The following MCM5 variants were observed in gnomAD, a reference collection of about 807,000 sequenced individuals.
MCM5 encodes DNA replication licensing factor MCM5.
In MCM5, 46 loss-of-function variants were observed where a neutral mutation model predicts 79.9. That is an observed-to-expected ratio of 0.58 (90% CI 0.45 to 0.74). MCM5 has a LOEUF of 0.74. MCM5 is among the 30% of genes least tolerant of loss of function. MCM5 has a pLI of 0.00. For synonymous variants in MCM5, 404 were observed against 390.5 expected (o/e 1.03, Z -0.41); for missense variants, 883 against 1,017.0 (o/e 0.87, Z 1.79).
intron 6 of MCM5, 131 bp downstream of exon 6, chr22:35,408,694 A>G (rs565388796): frequency 2.5e-5 from 23 of 922,788 alleles, no homozygotes; most frequent in Middle Eastern, 3.3e-4. Flanking sequence ...GTTGCAGAGC[A>G]CCTGCTCTGT....
intron 2 of MCM5, among the ~76,000 whole-genome samples, chr22:35,402,141 T>C (rs1023856830): frequency 6.6e-6 from 1 of 152,154 alleles, no homozygotes; most frequent in Non-Finnish European, 1.5e-5. Flanking sequence ...CAGTGGCTCA[T>C]GCTTGTAATT....
the MCM5 span, among the ~76,000 whole-genome samples, chr22:35,444,818 A>G: frequency 6.6e-6 from 1 of 152,228 alleles, no homozygotes; most frequent in Non-Finnish European, 1.5e-5. Flanking sequence ...ATTTGAGACC[A>G]GCCTGGGCGA....
At chr22:35,406,293 G>GCCA (rs767616375) in intron 4 of MCM5, among the ~76,000 whole-genome samples, 4 of 89,736 alleles carry the variant, frequency 4.5e-5, no homozygotes, top group African/African-American at 2.0e-4. Flanking sequence ...CTCTTGCCCT[G>GCCA]CCACCTCCCC....
Position 35,412,648 on chromosome 22 carries a change from T to C in MCM5, c.1058T>C (p.Ile353Thr), listed in dbSNP as rs763611069. ...IFGGTDMKKA[I>T]ACLLFGGSRK... ...GGGGGCACAGACATGAAGAAGGCCA[T>C]TGCCTGCCTGCTCTTTGGGGGCTCC... The change falls in exon 8 of 17, where the codon ATT becomes ACT. Residue 353 changes from isoleucine to threonine, a missense_variant. Physicochemically the swap from Ile to Thr is moderately conservative, Grantham distance 89. Around this residue, in one of 3 missense-constraint regions of MCM5, gnomAD observed 455 missense variants for 517.5 expected, o/e 0.88. Transcript: ENST00000216122. 15 of 1,535,134 alleles carry C rather than the reference T, an allele frequency of 9.8e-6. No homozygotes were observed. In the African/African-American group the frequency reaches 2.1e-4, roughly 21 times the overall value.
the MCM5 span, among the ~76,000 whole-genome samples, chr22:35,442,892 T>C: frequency 1.3e-5 from 2 of 152,208 alleles, no homozygotes; most frequent in African/African-American, 2.4e-5. Context: ...GGGTTTGCCA[T>C]GGAAACATTG....
rs771693792 is a variant in MCM5, at chr22:35,403,513, G to A, written c.394G>A (p.Ala132Thr). 58 of 1,613,906 alleles carry A rather than the reference G, an allele frequency of 3.6e-5. No homozygotes were observed. In the Admixed American group the frequency reaches 6.7e-4, roughly 19 times the overall value. The stretch of plus-strand genomic sequence containing the variant: ...CATCCAGGTCATGCTCAAGTCGGAC[G>A]CCAGCCCTTCCAGCATTCGTAGCCT... The part of the protein sequence containing the change: ...QDIQVMLKSD[A>T]SPSSIRSLKS... The change falls in exon 4 of 17, where the codon GCC (alanine) becomes ACC (threonine). Residue 132 changes from alanine (A) to threonine (T), a missense_variant. Around this residue, in one of 3 missense-constraint regions of MCM5, gnomAD observed 455 missense variants for 517.5 expected, o/e 0.88. Coordinates refer to ENST00000216122, the MANE Select transcript of MCM5 (RefSeq NM_006739.4).
the MCM5 span, among the ~76,000 whole-genome samples, chr22:35,435,942 G>C: frequency 6.6e-6 from 1 of 152,018 alleles, no homozygotes; most frequent in Non-Finnish European, 1.5e-5. Flanking sequence ...CGAGGCGGGC[G>C]GATCACCTGA....
Position 35,419,859 on chromosome 22 carries a change from C to T in MCM5, c.1704-25C>T, listed in dbSNP as rs75996723. 8.6e-4 allele frequency: 1,367 copies of T among 1,591,756 alleles called. 17 individuals carry two copies. The African/African-American group carries it at 0.013, about 16-fold the overall frequency. On this transcript the variant is annotated intron_variant, in intron 13 of 16. Coordinates refer to ENST00000216122, the MANE Select transcript of MCM5 (RefSeq NM_006739.4). ...CCTAAGAGTCCCTCCTGGCCTCACA[C>T]CAGCCTCTCCCCACTGTCCTGCAGG...
the MCM5 span, among the ~76,000 whole-genome samples, chr22:35,434,055 A>G: frequency 1.5e-3 from 230 of 152,254 alleles, 1 homozygote; most frequent in Non-Finnish European, 3.0e-3. Flanking sequence ...GTGGGGAGAG[A>G]GGCAGGGCAT....
At chr22:35,411,071 C>G (rs1932370715) in intron 7 of MCM5, among the ~76,000 whole-genome samples, 161 bp downstream of exon 7, 1 of 152,214 alleles carries the variant, frequency 6.6e-6, no homozygotes, top group Non-Finnish European at 1.5e-5. Context: ...CCTGGAACTT[C>G]CACACATTGG....
chr22:35,435,942 G>A, the MCM5 span, among the ~76,000 whole-genome samples: 2 of 152,018 alleles, frequency 1.3e-5, no homozygotes, highest in Admixed American at 6.6e-5. Context: ...CGAGGCGGGC[G>A]GATCACCTGA....
rs372780052 is a variant in MCM5, at chr22:35,424,301, C to T, written c.*46C>T. The T allele has an allele frequency of 1.3e-3, 1,721 of 1,346,736 alleles. 1 individual carries two copies. The highest frequency in any genetic ancestry group is 1.6e-3 in the Non-Finnish European group (1,594 of 980,142). 83.4% of individuals were successfully genotyped at this position (1,346,736 alleles called of 1,614,324 possible). A position where few individuals can be genotyped will look rare whatever the true frequency, so the allele number is the denominator to read the frequency against. On this transcript the variant is annotated 3_prime_UTR_variant, in exon 17 of 17. Coordinates refer to ENST00000216122, the MANE Select transcript of MCM5 (RefSeq NM_006739.4). Reference sequence around the variant, plus strand: ...TCATGGACTCGCCCACGCCTCGCCCCTCCTGCCGCTGCCTGCCATTGACAA... The same window carrying T: ...TCATGGACTCGCCCACGCCTCGCCCTTCCTGCCGCTGCCTGCCATTGACAA...
rs2145802810 is a variant in MCM5, at chr22:35,421,965, A to AC, written c.1975+507dup. 4 of 236,730 alleles carry AC rather than the reference A, an allele frequency of 1.7e-5. No homozygotes were observed. In the East Asian group the frequency reaches 4.1e-4, roughly 25 times the overall value. The allele number at this position is 236,730 out of a possible 1,614,324, so 14.7% of individuals were successfully genotyped here. A position where few individuals can be genotyped will look rare whatever the true frequency, so the allele number is the denominator to read the frequency against. ...TGGCCCCTAGGCCAGCGTTTTCCAC[A>AC]CCATAAGCCATACTGTCTGGTTTCG... On this transcript the variant is annotated intron_variant, in intron 15 of 16. Coordinates refer to ENST00000216122, the MANE Select transcript of MCM5 (RefSeq NM_006739.4).
the MCM5 span, among the ~76,000 whole-genome samples, chr22:35,435,992 C>T: frequency 6.6e-6 from 1 of 151,778 alleles, no homozygotes; most frequent in Non-Finnish European, 1.5e-5. Flanking sequence ...CATGGAGAAA[C>T]CCCATCTCTA....
the MCM5 span, among the ~76,000 whole-genome samples, chr22:35,432,960 G>A: frequency 6.6e-6 from 1 of 152,042 alleles, no homozygotes; most frequent in African/African-American, 2.4e-5. Context: ...TTTGAGACAG[G>A]GTCTCACAAT....
downstream of MCM5, among the ~76,000 whole-genome samples, chr22:35,427,282 T>C (rs1425187022): frequency 6.6e-6 from 1 of 152,242 alleles, no homozygotes; most frequent in East Asian, 1.9e-4. Context: ...GGCCCATACT[T>C]CAAATATGTT....
chr22:35,438,856 T>TATCC, the MCM5 span, among the ~76,000 whole-genome samples: 54,849 of 109,242 alleles, frequency 0.5, 13,717 homozygotes, highest in Middle Eastern at 0.65. Flanking sequence ...TCCACCCACA[T>TATCC]ATCCATCCAT....
intron 9 of MCM5, among the ~76,000 whole-genome samples, chr22:35,415,446 G>A (rs1932513772): frequency 1.3e-5 from 2 of 152,022 alleles, no homozygotes; most frequent in South Asian, 4.1e-4. Context: ...GAGACGACAA[G>A]GGACTCACGA....
downstream of MCM5, among the ~76,000 whole-genome samples, chr22:35,428,945 A>AGTAT (rs1932794511): frequency 7.3e-6 from 1 of 137,800 alleles, no homozygotes; most frequent in Non-Finnish European, 1.5e-5. Flanking sequence ...GGCGCATGCC[A>AGTAT]GTATTCCCAG....
Sources: allele counts gnomAD v4.1 joint callset (sites outside exome capture counted in the v4.1 genomes callset), GRCh38; gene constraint gnomAD v4.1.1; regional missense constraint gnomAD v4.1.1; transcripts MANE v1.5; gene names NCBI Gene and HGNC (gene_info 2026-07-23, HGNC 2026-07-21).